IFIT5: variants seen among roughly 807,000 people sequenced by gnomAD.
IFIT5 encodes interferon-induced protein with tetratricopeptide repeats 5.
Under a neutral mutation model 5.0 loss-of-function variants are expected in IFIT5, and 2 were observed. The ratio of observed to expected loss-of-function variants is 0.40; its 90% CI spans 0.16 to 1.26. IFIT5 has a LOEUF of 1.26. Among genes scored for constraint, IFIT5 ranks in the 50% most tolerant of loss-of-function variants. The pLI is 0.33. For synonymous variants in IFIT5, 206 were observed against 204.6 expected, an observed-to-expected ratio of 1.01 and a Z score of -0.06; for missense variants, 524 against 563.2, an observed-to-expected ratio of 0.93 and a Z score of 0.70.
Position 89,420,467 on chromosome 10 carries a change from C to G in IFIT5, c.*1819C>G, listed in dbSNP as rs1050184460. On this transcript the variant is annotated 3_prime_UTR_variant, in exon 2 of 2. Transcript: ENST00000371795. ...AAAGAACTCACATTAAGCGGTTACT[C>G]AGACAGTTAATCATAGAAAAGATTA... 6.6e-6 allele frequency: 1 copy of G among 152,190 alleles called. No individual in the cohort carries two copies. Among genetic ancestry groups the G allele is most frequent in the Non-Finnish European group, 1.5e-5 (1 of 68,030 alleles). 9.4% of individuals were successfully genotyped at this position (152,190 alleles called of 1,614,324 possible).
rs760623462 is a variant in IFIT5, at chr10:89,417,226, G to T, written c.27G>T (p.Leu9Phe). 4 of 1,601,534 alleles carry T rather than the reference G, an allele frequency of 2.5e-6. No homozygotes were observed. Residue 9 changes from leucine to phenylalanine, a missense_variant, in exon 2 of 2, where the codon TTG (leucine) becomes TTT (phenylalanine). Coordinates refer to ENST00000371795, the MANE Select transcript of IFIT5 (RefSeq NM_012420.3). ...ACAGTGAAATTCGTAAGGACACCTT[G>T]AAGGCCATTCTGTTGGAGTTAGAAT... is the stretch of plus-strand genomic sequence containing the variant. MSEIRKDT[L>F]KAILLELECH...
At position 89,414,653 on chromosome 10, in the gene IFIT5, G is replaced by C; in HGVS notation, c.-146G>C. The C allele has an allele frequency of 3.8e-6, 3 of 794,644 alleles. No homozygotes were observed. Among genetic ancestry groups the C allele is most frequent in the Non-Finnish European group, 5.5e-6 (3 of 545,718 alleles). The allele number at this position is 794,644 out of a possible 1,614,324, so 49.2% of individuals were successfully genotyped here. ...GTCTCTCCTTTAACAAAGACACGCC[G>C]CGCGGCCGAGTCCAGGGGCTGCAGA... On this transcript the variant is annotated 5_prime_UTR_variant, in exon 1 of 2. Transcript: ENST00000371795.
chr10:89,416,648 C>T (rs1226394643), intron 1 of IFIT5, among the ~76,000 whole-genome samples: 1 of 152,212 alleles, frequency 6.6e-6, no homozygotes, highest in Non-Finnish European at 1.5e-5. Context: ...CCTGAGCAGC[C>T]CTCCTCATCC....
In IFIT5 at chr10:89,418,848, A is replaced by G. The variant is rs574615310; in HGVS notation, c.*200A>G. On this transcript the variant is annotated 3_prime_UTR_variant, in exon 2 of 2. Coordinates refer to ENST00000371795, the MANE Select transcript of IFIT5 (RefSeq NM_012420.3). ...GGTTTTCTTTCTTTTTTTCTTTTTAATTAAAATACTATAATCCATTGAGAA... is the reference window on the plus strand; with the variant it reads ...GGTTTTCTTTCTTTTTTTCTTTTTAGTTAAAATACTATAATCCATTGAGAA... The G allele has an allele frequency of 2.9e-5, 14 of 479,342 alleles. No individual in the cohort carries two copies. In the East Asian group the frequency reaches 4.3e-4, roughly 15 times the overall value. 29.7% of individuals were successfully genotyped at this position (479,342 alleles called of 1,614,324 possible).
Position 89,418,661 on chromosome 10 carries a change from G to A in IFIT5, c.*13G>A. 1.3e-6 allele frequency: 2 copies of A among 1,577,836 alleles called. No individual in the cohort carries two copies. The highest frequency in any genetic ancestry group is 2.3e-5 in the South Asian group (2 of 85,374). ...ACTTTCCATTTAAATACATACTCTA[G>A]GAAATTAGCTCTAAGTTTTTCCCTT... On this transcript the variant is annotated 3_prime_UTR_variant, in exon 2 of 2. Coordinates refer to ENST00000371795, the MANE Select transcript of IFIT5 (RefSeq NM_012420.3).
chr10:89,418,463 A>G lies in IFIT5; in HGVS notation c.1264A>G (p.Lys422Glu). 1 of 1,614,202 alleles carries G rather than the reference A, an allele frequency of 6.2e-7. No homozygotes were observed. The highest frequency in any genetic ancestry group is 8.5e-7 in the Non-Finnish European group (1 of 1,180,002). Reference sequence around the variant, plus strand: ...CACCAAACTGACAAGTGCTCTGAAGAAATTGTCTACCAAGAGACTTTGTCA... The same window carrying G: ...CACCAAACTGACAAGTGCTCTGAAGGAATTGTCTACCAAGAGACTTTGTCA... ...LRTKLTSALK[K>E]LSTKRLCHNA... The change falls in exon 2 of 2, where the codon AAA becomes GAA. Residue 422 changes from lysine to glutamate, a missense_variant. Transcript: ENST00000371795.
Position 89,418,192 on chromosome 10 carries a change from G to A in IFIT5, c.993G>A (p.Met331Ile). ...CTATATTTCATTTCAAAGCAGCCAT[G>A]GAACGAGACTCTATGTTTGCATTTG... ...SSAIFHFKAA[M>I]ERDSMFAFAY... Residue 331 changes from methionine to isoleucine, a missense_variant, in exon 2 of 2, where the codon ATG becomes ATA. Met to Ile is a conservative substitution (Grantham distance 10). Coordinates refer to ENST00000371795, the MANE Select transcript of IFIT5 (RefSeq NM_012420.3). 1 of 1,614,194 alleles carries A rather than the reference G, an allele frequency of 6.2e-7. No homozygotes were observed. Among genetic ancestry groups the A allele is most frequent in the Non-Finnish European group, 8.5e-7 (1 of 1,180,042 alleles).
chr10:89,416,166 A>G (rs1017906967), intron 1 of IFIT5, among the ~76,000 whole-genome samples: 2 of 147,348 alleles, frequency 1.4e-5, no homozygotes, highest in Admixed American at 1.4e-4. Flanking sequence ...CTCGTGGTCC[A>G]CCCGCCTCAG....
In IFIT5 at chr10:89,419,790, C is replaced by T. The variant is rs777544612; in HGVS notation, c.*1142C>T. On this transcript the variant is annotated 3_prime_UTR_variant, in exon 2 of 2. Transcript: ENST00000371795. ...TCTTATCCCAGGGGACTTTTTAATT[C>T]GGATGTTACTTAATGTGGCTTCTCT... 8.6e-5 allele frequency: 13 copies of T among 151,926 alleles called. No individual in the cohort carries two copies. The highest frequency in any genetic ancestry group is 1.5e-4 in the African/African-American group (6 of 41,334). The allele number at this position is 151,926 out of a possible 1,614,324, so 9.4% of individuals were successfully genotyped here.
Position 89,418,481 on chromosome 10 carries a change from CTT to C in IFIT5, c.1284_1285del (p.Cys429SerfsTer27), listed in dbSNP as rs1375355961. 6.2e-7 allele frequency: 1 copy of C among 1,614,166 alleles called. No individual in the cohort carries two copies. Among genetic ancestry groups the C allele is most frequent in the African/African-American group, 1.3e-5 (1 of 75,040 alleles). ...TCTGAAGAAATTGTCTACCAAGAGA[CTT>C]TGTCACAATGCTTTAGATGTGCAGA... ...SALKKLSTKR[L>X]CHNALDVQSL... On this transcript the variant is annotated frameshift_variant, in exon 2 of 2. Coordinates refer to ENST00000371795, the MANE Select transcript of IFIT5 (RefSeq NM_012420.3). LOFTEE classifies it low-confidence loss of function (END_TRUNC).
chr10:89,418,770 G>A lies in IFIT5; in HGVS notation c.*122G>A, dbSNP rs1841571070. The A allele has an allele frequency of 1.0e-6, 1 of 997,256 alleles. No individual in the cohort carries two copies. Among genetic ancestry groups the A allele is most frequent in the African/African-American group, 1.6e-5 (1 of 60,730 alleles). 61.8% of individuals were successfully genotyped at this position (997,256 alleles called of 1,614,324 possible). On this transcript the variant is annotated 3_prime_UTR_variant, in exon 2 of 2. Transcript: ENST00000371795. Reference sequence around the variant, plus strand: ...AGCTAATATTTATTGAATAGTTATTGTGTACCAAGCATTGTGCTAAATACT... The same window carrying A: ...AGCTAATATTTATTGAATAGTTATTATGTACCAAGCATTGTGCTAAATACT...
At position 89,414,739 on chromosome 10, in the gene IFIT5, C is replaced by G. The variant is rs1841512150; in HGVS notation, c.-60C>G. 5.7e-6 allele frequency: 9 copies of G among 1,591,450 alleles called. No homozygotes were observed. Among genetic ancestry groups the G allele is most frequent in the Non-Finnish European group, 7.7e-6 (9 of 1,172,900 alleles). ...GCGCGGCTTCCCGCGGTCCCCGGTG[C>G]TGAGGAGAGAGCGATCCGAGGGACT... On this transcript the variant is annotated 5_prime_UTR_variant, in exon 1 of 2. Coordinates refer to ENST00000371795, the MANE Select transcript of IFIT5 (RefSeq NM_012420.3).
In IFIT5 at chr10:89,418,420, A is replaced by G. The variant is rs749047353; in HGVS notation, c.1221A>G (p.Lys407=). The change falls in exon 2 of 2, where the codon AAA becomes AAG. Residue 407 remains lysine (K), a synonymous_variant. Coordinates refer to ENST00000371795, the MANE Select transcript of IFIT5 (RefSeq NM_012420.3). ...ATTATTTAGAAGCCTTAAAGGTCAA[A>G]GACAGATCACCCCTTCGCACCAAAC... ...IHHYLEALKV[K]DRSPLRTKLT... is the part of the protein sequence containing the mutation. The G allele has an allele frequency of 6.2e-7, 1 of 1,614,220 alleles. No individual in the cohort carries two copies. Among genetic ancestry groups the G allele is most frequent in the Middle Eastern group, 1.6e-4 (1 of 6,062 alleles).
At position 89,416,301 on chromosome 10, in the gene IFIT5, AAC is replaced by A. The variant is rs533138291; in HGVS notation, c.6-902_6-901del. ...ACAACAACAACAAAACAACAACAAC[AAC>A]AAAAAACAGAAAAAGACGGTGGCGT... On this transcript the variant is annotated intron_variant, in intron 1 of 1. Coordinates refer to ENST00000371795, the MANE Select transcript of IFIT5 (RefSeq NM_012420.3). 4.6e-4 allele frequency among the ~76,000 whole-genome samples: 70 copies of A among 152,222 alleles called. 1 individual carries two copies. In the East Asian group the frequency reaches 0.012, roughly 26 times the overall value.
Position 89,418,407 on chromosome 10 carries a change from C to G in IFIT5, c.1208C>G (p.Ala403Gly). The change falls in exon 2 of 2, where the codon GCC (alanine) becomes GGC (glycine). Residue 403 changes from alanine to glycine, a missense_variant. Coordinates refer to ENST00000371795, the MANE Select transcript of IFIT5 (RefSeq NM_012420.3). ...ACTGCCATCCATCATTATTTAGAAG[C>G]CTTAAAGGTCAAAGACAGATCACCC... ...ENTAIHHYLE[A>G]LKVKDRSPLR... is the part of the protein sequence containing the mutation. 1 of 1,614,176 alleles carries G rather than the reference C, an allele frequency of 6.2e-7. No homozygotes were observed. Among genetic ancestry groups the G allele is most frequent in the South Asian group, 1.1e-5 (1 of 91,076 alleles).
chr10:89,418,052 C>G lies in IFIT5; in HGVS notation c.853C>G (p.Leu285Val), dbSNP rs1841559945. Residue 285 changes from leucine to valine, a missense_variant, in exon 2 of 2, where the codon CTG becomes GTG. Coordinates refer to ENST00000371795, the MANE Select transcript of IFIT5 (RefSeq NM_012420.3). ...ALEVTPTSSFLHHQMGLCYRA... is the reference protein window; with the variant it reads ...ALEVTPTSSFVHHQMGLCYRA... Reference sequence around the variant, plus strand: ...GGAGGTGACACCAACTTCTTCTTTCCTGCATCACCAGATGGGACTTTGCTA... The same window carrying G: ...GGAGGTGACACCAACTTCTTCTTTCGTGCATCACCAGATGGGACTTTGCTA... The G allele has an allele frequency of 6.2e-7, 1 of 1,614,224 alleles. No homozygotes were observed. The highest frequency in any genetic ancestry group is 1.3e-5 in the African/African-American group (1 of 75,060).
intron 1 of IFIT5, among the ~76,000 whole-genome samples, chr10:89,416,539 C>A (rs541066778): frequency 6.6e-6 from 1 of 152,222 alleles, no homozygotes; most frequent in African/African-American, 2.4e-5. Context: ...AATAAAAATT[C>A]TCATGGTGTC....
chr10:89,419,700 TC>T lies in IFIT5; in HGVS notation c.*1054del, dbSNP rs1232944259. 6.6e-6 allele frequency: 1 copy of T among 152,100 alleles called. No individual in the cohort carries two copies. The highest frequency in any genetic ancestry group is 2.4e-5 in the African/African-American group (1 of 41,414). The allele number at this position is 152,100 out of a possible 1,614,324, so 9.4% of individuals were successfully genotyped here. A position where few individuals can be genotyped will look rare whatever the true frequency, so the allele number is the denominator to read the frequency against. On this transcript the variant is annotated 3_prime_UTR_variant, in exon 2 of 2. Transcript: ENST00000371795. ...AATGTTGTTTTTTTCATGTAGATACTCCAGGAAGAGTTAAGCACTGCTTTCA... is the reference window on the plus strand; with the variant it reads ...AATGTTGTTTTTTTCATGTAGATACTCAGGAAGAGTTAAGCACTGCTTTCA...
chr10:89,415,092 C>T (rs1841520565), intron 1 of IFIT5, among the ~76,000 whole-genome samples: 2 of 152,324 alleles, frequency 1.3e-5, no homozygotes, highest in African/African-American at 2.4e-5. Flanking sequence ...AGGAGATGCT[C>T]CCCGGGAGCC....
Sources: allele counts gnomAD v4.1 joint callset (sites outside exome capture counted in the v4.1 genomes callset), GRCh38; gene constraint gnomAD v4.1.1; transcripts MANE v1.5; gene names NCBI Gene and HGNC (gene_info 2026-07-23, HGNC 2026-07-21).